LINGO2: variants seen among roughly 807,000 people sequenced by gnomAD.
LINGO2 encodes leucine-rich repeat and immunoglobulin-like domain-containing nogo receptor-interacting protein 2.
LINGO2 carries 14 observed loss-of-function variants against 30.6 expected under a neutral mutation model. The ratio of observed to expected loss-of-function variants is 0.46; its 90% confidence interval spans 0.30 to 0.72. The LOEUF (loss-of-function observed/expected upper bound fraction) is 0.72. Ranked by LOEUF, LINGO2 falls within the 30% of genes least tolerant of loss-of-function variation. The pLI is 0.07. For synonymous variants in LINGO2, 317 were observed against 288.5 expected, an observed-to-expected ratio of 1.10 and a Z score of -1.00; for missense variants, 729 against 751.7, an observed-to-expected ratio of 0.97 and a Z score of 0.35.
chr9:28,205,755 AC>A (rs1472494167), intron 4 of LINGO2, among the ~76,000 whole-genome samples: 5 of 152,014 alleles, frequency 3.3e-5, no homozygotes, highest in Non-Finnish European at 5.9e-5. Context: ...ATGGTTCATT[AC>A]TCCTCATCAT....
chr9:29,059,283 T>C, the LINGO2 span, among the ~76,000 whole-genome samples: 3 of 151,636 alleles, frequency 2.0e-5, no homozygotes, highest in Non-Finnish European at 4.4e-5. Flanking sequence ...TTAAAATGTA[T>C]ACGGAAATAA....
chr9:28,036,768 TAA>T (rs149855019), intron 4 of LINGO2, among the ~76,000 whole-genome samples: 1,655 of 152,178 alleles, frequency 0.011, 34 homozygotes, highest in African/African-American at 0.038. Context: ...ACGTGTAAGA[TAA>T]GAGACAATTA....
At chr9:28,603,513 A>C (rs1244204804) in intron 1 of LINGO2, among the ~76,000 whole-genome samples, 1 of 152,070 alleles carries the variant, frequency 6.6e-6, no homozygotes, top group East Asian at 1.9e-4. Flanking sequence ...CATTAATGTA[A>C]ATAACCCACC....
At chr9:28,368,203 T>A (rs1820752685) in intron 3 of LINGO2, among the ~76,000 whole-genome samples, 1 of 152,190 alleles carries the variant, frequency 6.6e-6, no homozygotes, top group Non-Finnish European at 1.5e-5. Flanking sequence ...TTGGTGTTCT[T>A]CTTTCATGGT....
At chr9:28,850,739 T>C in the LINGO2 span, among the ~76,000 whole-genome samples, 1 of 152,002 alleles carries the variant, frequency 6.6e-6, no homozygotes, top group Non-Finnish European at 1.5e-5. Context: ...TGAGCTAACA[T>C]TGTAGAGCTG....
At chr9:28,227,452 T>C (rs1821208961) in intron 4 of LINGO2, among the ~76,000 whole-genome samples, 1 of 152,102 alleles carries the variant, frequency 6.6e-6, no homozygotes. Flanking sequence ...ATAAGAATGG[T>C]AAATTACACA....
At chr9:28,710,006 TACTA>T in the LINGO2 span, among the ~76,000 whole-genome samples, 1 of 151,574 alleles carries the variant, frequency 6.6e-6, no homozygotes, top group Non-Finnish European at 1.5e-5. Context: ...ATACAAATTC[TACTA>T]ACTTTTATCC....
At chr9:29,207,326 G>A in the LINGO2 span, among the ~76,000 whole-genome samples, 6 of 151,882 alleles carry the variant, frequency 4.0e-5, no homozygotes, top group Admixed American at 6.6e-5. Context: ...GGTGTACCTG[G>A]AGCAATACAG....
intron 4 of LINGO2, among the ~76,000 whole-genome samples, chr9:28,236,370 T>G (rs11521395): frequency 0.42 from 64,137 of 151,852 alleles, 13,676 homozygotes; most frequent in South Asian, 0.47. Context: ...TGAGCAAGAA[T>G]AAATTATCTA....
intron 1 of LINGO2, among the ~76,000 whole-genome samples, chr9:28,600,341 T>C (rs569010743): frequency 5.3e-5 from 8 of 152,322 alleles, no homozygotes; most frequent in South Asian, 2.1e-4. Context: ...CATGACAATA[T>C]TGCATTCATG....
intron 5 of LINGO2, among the ~76,000 whole-genome samples, chr9:27,990,939 G>A (rs534310360): frequency 9.3e-4 from 142 of 152,116 alleles, no homozygotes; most frequent in African/African-American, 3.4e-3. Context: ...AAGAAACCAG[G>A]GAGTTCAGAA....
intron 2 of LINGO2, among the ~76,000 whole-genome samples, chr9:28,374,739 CTAT>C (rs1386595344): frequency 1.3e-5 from 2 of 152,082 alleles, no homozygotes; most frequent in African/African-American, 4.8e-5. Flanking sequence ...TTTCAATATT[CTAT>C]AATAACCATT....
chr9:29,087,957 T>A, the LINGO2 span, among the ~76,000 whole-genome samples: 1 of 152,168 alleles, frequency 6.6e-6, no homozygotes, highest in East Asian at 1.9e-4. Flanking sequence ...ATAAGTTATA[T>A]GCTGGCACAT....
At chr9:28,737,030 G>T in the LINGO2 span, among the ~76,000 whole-genome samples, 1 of 152,156 alleles carries the variant, frequency 6.6e-6, no homozygotes, top group East Asian at 1.9e-4. Flanking sequence ...TATTAGATTT[G>T]GACTGTCCTT....
At position 28,095,136 on chromosome 9, in the gene LINGO2, A is replaced by G. The variant is rs148479502; in HGVS notation, c.-86-82731T>C. Among the ~76,000 whole-genome samples, 960 of 152,288 alleles carry G rather than the reference A, an allele frequency of 6.3e-3. 7 individuals are homozygous for G. Among genetic ancestry groups the G allele is most frequent in the African/African-American group, 0.018 (747 of 41,568 alleles). On this transcript the variant is annotated intron_variant, in intron 4 of 5. Coordinates refer to ENST00000379992, the Ensembl canonical transcript of LINGO2. Reference sequence around the variant, plus strand: ...ATATTTTATTTCCCTTGAAAGACAGAGCAACACCTTCAGTGTGACTCCCAA... The same window carrying G: ...ATATTTTATTTCCCTTGAAAGACAGGGCAACACCTTCAGTGTGACTCCCAA...
chr9:28,369,128 T>C (rs1037792547), intron 3 of LINGO2, among the ~76,000 whole-genome samples: 2 of 152,108 alleles, frequency 1.3e-5, no homozygotes, highest in Non-Finnish European at 2.9e-5. Flanking sequence ...ACCTTTAATA[T>C]CTCTCATTTC....
At chr9:28,924,410 A>G in the LINGO2 span, among the ~76,000 whole-genome samples, 137,982 of 152,088 alleles carry the variant, frequency 0.91, 62,760 homozygotes, top group Non-Finnish European at 0.94. Context: ...TTGTAGAGAC[A>G]GGATTTCGTC....
At chr9:27,972,611 T>A (rs1820409928) in intron 5 of LINGO2, among the ~76,000 whole-genome samples, 1 of 152,180 alleles carries the variant, frequency 6.6e-6, no homozygotes, top group Non-Finnish European at 1.5e-5. Context: ...CTATTTACTG[T>A]AAGACCAATT....
chr9:29,069,573 T>C, the LINGO2 span, among the ~76,000 whole-genome samples: 1,489 of 152,124 alleles, frequency 9.8e-3, 29 homozygotes, highest in African/African-American at 0.031. Flanking sequence ...CTTTTTCAAG[T>C]CTAGGGTGCT....
Sources: allele counts gnomAD v4.1 joint callset (sites outside exome capture counted in the v4.1 genomes callset), GRCh38; gene constraint gnomAD v4.1.1; transcripts MANE v1.5; gene names NCBI Gene and HGNC (gene_info 2026-07-23, HGNC 2026-07-21).